CERS6: variants seen among roughly 807,000 people sequenced by gnomAD.
CERS6 encodes the protein LAG1 homolog, ceramide synthase 6.
A neutral mutation model predicts 56.8 loss-of-function variants in CERS6; 26 were observed. That is an observed-to-expected ratio of 0.46 (90% CI 0.34 to 0.63). CERS6 has a LOEUF of 0.63. CERS6 is among the 30% of genes least tolerant of loss of function. CERS6 has a pLI of 0.01. For missense variants in CERS6, 415 were observed against 467.5 expected, an observed-to-expected ratio of 0.89 and a Z score of 1.04; for synonymous variants, 164 against 173.3, an observed-to-expected ratio of 0.95 and a Z score of 0.42.
chr2:168,631,143 C>A, intron 4 of CERS6, 101 bp downstream of exon 4: 1 of 547,272 alleles, frequency 1.8e-6, no homozygotes, highest in South Asian at 3.3e-5. Context: ...TTTAGGTAAT[C>A]ATATCAGGCT....
chr2:168,743,176 G>T (rs1023837936), intron 8 of CERS6, among the ~76,000 whole-genome samples: 1 of 149,036 alleles, frequency 6.7e-6, no homozygotes, highest in African/African-American at 2.5e-5. Flanking sequence ...ATGTATGTGT[G>T]TGTGTATGTG....
intron 2 of CERS6, among the ~76,000 whole-genome samples, chr2:168,558,645 G>A (rs1402809463): frequency 2.0e-5 from 3 of 152,198 alleles, no homozygotes; most frequent in Admixed American, 6.5e-5. Flanking sequence ...CAAGGCGGGT[G>A]GATCACAAGG....
chr2:168,546,665 A>G (rs1695470861), intron 1 of CERS6, among the ~76,000 whole-genome samples: 1 of 152,254 alleles, frequency 6.6e-6, no homozygotes, highest in South Asian at 2.1e-4. Flanking sequence ...CCTTTGACCA[A>G]CAGTGAATTA....
intron 8 of CERS6, among the ~76,000 whole-genome samples, chr2:168,750,068 T>A (rs983747745): frequency 3.3e-5 from 5 of 152,218 alleles, no homozygotes; most frequent in Admixed American, 6.5e-5. Context: ...GCAATGGCAA[T>A]GGCGAACTGA....
At chr2:168,592,607 G>A (rs2105404199) in intron 3 of CERS6, among the ~76,000 whole-genome samples, 1 of 152,218 alleles carries the variant, frequency 6.6e-6, no homozygotes, top group Admixed American at 6.5e-5. Flanking sequence ...GGGGCAGTGG[G>A]GAGGAGCAAT....
chr2:168,620,348 C>T (rs1684439284), intron 3 of CERS6, among the ~76,000 whole-genome samples: 1 of 151,718 alleles, frequency 6.6e-6, no homozygotes, highest in African/African-American at 2.4e-5. Flanking sequence ...ATGGGTGCAC[C>T]AAAGTCTCAC....
At chr2:168,755,323 T>A (rs78655729) in intron 8 of CERS6, among the ~76,000 whole-genome samples, 2 of 152,216 alleles carry the variant, frequency 1.3e-5, no homozygotes, top group African/African-American at 2.4e-5. Context: ...TTACTATGGC[T>A]CTAGCTCTCT....
chr2:168,627,225 A>G (rs1160770888), intron 3 of CERS6, among the ~76,000 whole-genome samples: 1 of 152,184 alleles, frequency 6.6e-6, no homozygotes, highest in Non-Finnish European at 1.5e-5. Context: ...TTTGTATTAA[A>G]TTATCCCTTA....
At chr2:168,627,133 T>G (rs1003817897) in intron 3 of CERS6, among the ~76,000 whole-genome samples, 1 of 152,214 alleles carries the variant, frequency 6.6e-6, no homozygotes, top group Non-Finnish European at 1.5e-5. Flanking sequence ...TTTGAAATTT[T>G]CCCGTAAGAA....
intron 1 of CERS6, among the ~76,000 whole-genome samples, chr2:168,516,349 C>T (rs1193382965): frequency 6.6e-6 from 1 of 152,018 alleles, no homozygotes; most frequent in Non-Finnish European, 1.5e-5. Context: ...ATTTTATATA[C>T]TATGTAATAT....
intron 1 of CERS6, among the ~76,000 whole-genome samples, chr2:168,538,042 C>T (rs1018695222): frequency 2.0e-5 from 3 of 152,114 alleles, no homozygotes; most frequent in African/African-American, 4.8e-5. Context: ...GATCACTTCT[C>T]ACTGCCTCTT....
chr2:168,536,400 G>C (rs952506828), intron 1 of CERS6, among the ~76,000 whole-genome samples: 1 of 152,198 alleles, frequency 6.6e-6, no homozygotes, highest in East Asian at 1.9e-4. Context: ...TTGTTTTGGA[G>C]ATTTTTTAAT....
At chr2:168,563,515 G>C (rs1237212040) in intron 3 of CERS6, among the ~76,000 whole-genome samples, 2 of 152,096 alleles carry the variant, frequency 1.3e-5, no homozygotes, top group Admixed American at 6.5e-5. Flanking sequence ...ACCAGATATG[G>C]GGCCAGGTGC....
intron 1 of CERS6, among the ~76,000 whole-genome samples, chr2:168,499,340 A>G (rs1049062375): frequency 7.9e-5 from 12 of 152,226 alleles, no homozygotes; most frequent in African/African-American, 2.9e-4. Flanking sequence ...GAGCCACCAT[A>G]AACTTGGTTT....
In CERS6 at chr2:168,752,279, A is replaced by ATGTGTGTGTGTGTGTG. The variant is rs397870530; in HGVS notation, c.846-13289_846-13274dup. Among the ~76,000 whole-genome samples the ATGTGTGTGTGTGTGTG allele has an allele frequency of 2.6e-4, 34 of 132,514 alleles. 1 individual carries two copies. Among genetic ancestry groups the ATGTGTGTGTGTGTGTG allele is most frequent in the South Asian group, 8.0e-4 (3 of 3,740 alleles). 86.9% of individuals were successfully genotyped at this position (132,514 alleles called of 152,430 possible). Reference sequence around the variant, plus strand: ...CAGACCCCATCTTTTAAAAAAATAAATGTGTGTGTGTGTGTGTGTGTGTGT... The same window carrying ATGTGTGTGTGTGTGTG: ...CAGACCCCATCTTTTAAAAAAATAAATGTGTGTGTGTGTGTGTGTGTGTGTGTGTGTGTGTGTGTGT... On this transcript the variant is annotated intron_variant, in intron 8 of 9. Transcript: ENST00000305747.
At chr2:168,613,285 G>A (rs1165543616) in intron 3 of CERS6, among the ~76,000 whole-genome samples, 1 of 152,198 alleles carries the variant, frequency 6.6e-6, no homozygotes, top group East Asian at 1.9e-4. Context: ...CAGGGATATA[G>A]AGATGGTTAG....
chr2:168,642,212 A>G (rs1455062992), intron 4 of CERS6, among the ~76,000 whole-genome samples: 1 of 152,138 alleles, frequency 6.6e-6, no homozygotes, highest in African/African-American at 2.4e-5. Flanking sequence ...TCTCTACAAA[A>G]AAATATAAAA....
At chr2:168,657,703 G>A (rs1295355480) in intron 4 of CERS6, among the ~76,000 whole-genome samples, 5 of 152,208 alleles carry the variant, frequency 3.3e-5, no homozygotes, top group Middle Eastern at 3.2e-3. Context: ...CCCATTGCCC[G>A]GGGCCAGCAG....
At chr2:168,461,337 G>A (rs1209838371) in intron 1 of CERS6, among the ~76,000 whole-genome samples, 1 of 151,952 alleles carries the variant, frequency 6.6e-6, no homozygotes. Flanking sequence ...GCAAGAGTGG[G>A]CTTCAGGCCG....
Sources: allele counts gnomAD v4.1 joint callset (sites outside exome capture counted in the v4.1 genomes callset), GRCh38; gene constraint gnomAD v4.1.1; transcripts MANE v1.5; gene names NCBI Gene and HGNC (gene_info 2026-07-23, HGNC 2026-07-21).